ANO10: variants seen among roughly 807,000 people sequenced by gnomAD.
ANO10 encodes the protein anoctamin 10.
Under a neutral mutation model 74.7 loss-of-function variants are expected in ANO10, and 77 were observed. That is an observed-to-expected ratio of 1.03 (90% CI 0.86 to 1.25). ANO10 has a LOEUF of 1.25. Among genes scored for constraint, ANO10 ranks in the 50% most tolerant of loss-of-function variants. The pLI, the probability that ANO10 is intolerant of heterozygous loss-of-function variation, is 0.00. For missense variants in ANO10, 721 were observed against 778.1 expected, an observed-to-expected ratio of 0.93 and a Z score of 0.87; for synonymous variants, 279 against 284.9, an observed-to-expected ratio of 0.98 and a Z score of 0.21.
At chr3:43,406,594 G>T (rs966136273) in intron 12 of ANO10, among the ~76,000 whole-genome samples, 1 of 152,128 alleles carries the variant, frequency 6.6e-6, no homozygotes, top group Admixed American at 6.5e-5. Flanking sequence ...CTTACATGAC[G>T]AATCACATGC....
intron 1 of ANO10, among the ~76,000 whole-genome samples, chr3:43,606,866 G>A (rs1430955493): frequency 6.6e-6 from 1 of 152,100 alleles, no homozygotes; most frequent in Non-Finnish European, 1.5e-5. Flanking sequence ...CTCTTCTGCT[G>A]AAGACAACTA....
chr3:43,616,853 TCC>T (rs913455392), intron 1 of ANO10, among the ~76,000 whole-genome samples: 1 of 151,924 alleles, frequency 6.6e-6, no homozygotes, highest in African/African-American at 2.4e-5. Context: ...CCTGGGTAGG[TCC>T]ACTCCTCAGG....
intron 2 of ANO10, among the ~76,000 whole-genome samples, chr3:43,601,718 G>A (rs954434872): frequency 3.3e-5 from 5 of 152,106 alleles, no homozygotes; most frequent in African/African-American, 1.2e-4. Flanking sequence ...AAATACCAAT[G>A]GCTCTTAAAT....
At chr3:43,524,369 T>C (rs2078097633) in intron 11 of ANO10, among the ~76,000 whole-genome samples, 1 of 145,066 alleles carries the variant, frequency 6.9e-6, no homozygotes, top group South Asian at 2.1e-4. Context: ...TAACTCCCCC[T>C]ACCCTACCTT....
chr3:43,526,884 T>G (rs2078220953), intron 11 of ANO10, among the ~76,000 whole-genome samples: 1 of 71,334 alleles, frequency 1.4e-5, no homozygotes, highest in Admixed American at 1.6e-4. Flanking sequence ...TAAAATAATC[T>G]CTAGTCTACT....
chr3:43,660,248 T>C (rs2083910610), intron 1 of ANO10, among the ~76,000 whole-genome samples: 1 of 152,076 alleles, frequency 6.6e-6, no homozygotes, highest in Non-Finnish European at 1.5e-5. Flanking sequence ...GAGAATGAGT[T>C]TGATGAGTTG....
At chr3:43,555,224 T>C (rs1412274589) in intron 10 of ANO10, 54 bp downstream of exon 10, 1 of 1,573,854 alleles carries the variant, frequency 6.4e-7, no homozygotes, top group East Asian at 2.2e-5. Flanking sequence ...TTCCCTGTCA[T>C]AACACCTCGT....
At chr3:43,683,686 A>C (rs988279576) in intron 1 of ANO10, among the ~76,000 whole-genome samples, 1 of 152,220 alleles carries the variant, frequency 6.6e-6, no homozygotes, top group African/African-American at 2.4e-5. Flanking sequence ...ACTATACTAC[A>C]AGGCTACAGT....
At chr3:43,658,913 T>C (rs540715100) in intron 1 of ANO10, among the ~76,000 whole-genome samples, 106 of 152,296 alleles carry the variant, frequency 7.0e-4, no homozygotes, top group African/African-American at 2.5e-3. Context: ...GGTGCTGGAA[T>C]AGTCTATTTC....
At chr3:43,613,346 T>G (rs1470503431) in intron 1 of ANO10, among the ~76,000 whole-genome samples, 1 of 152,034 alleles carries the variant, frequency 6.6e-6, no homozygotes, top group African/African-American at 2.4e-5. Flanking sequence ...GCATAAAAAT[T>G]TTGGACCAGG....
At chr3:43,592,087 C>T (rs929659270) in intron 4 of ANO10, among the ~76,000 whole-genome samples, 6 of 152,232 alleles carry the variant, frequency 3.9e-5, no homozygotes, top group African/African-American at 1.4e-4. Flanking sequence ...AGTAGGTAAA[C>T]AAAGCAGCCT....
At chr3:43,515,570 A>AT (rs2077676240) in intron 11 of ANO10, among the ~76,000 whole-genome samples, 2 of 152,244 alleles carry the variant, frequency 1.3e-5, no homozygotes, top group South Asian at 2.1e-4. Flanking sequence ...TATTGGTTCT[A>AT]TTTTTCTGGA....
At chr3:43,466,471 A>G (rs1320340119) in intron 11 of ANO10, among the ~76,000 whole-genome samples, 10 of 152,024 alleles carry the variant, frequency 6.6e-5, no homozygotes, top group Admixed American at 6.6e-4. Context: ...AGACACACAT[A>G]TATGGCAAGA....
chr3:43,592,897 G>C (rs1248825469), intron 4 of ANO10, among the ~76,000 whole-genome samples: 2 of 152,146 alleles, frequency 1.3e-5, no homozygotes, highest in African/African-American at 2.4e-5. Flanking sequence ...AAATAGCATA[G>C]AGAAGAGAAG....
chr3:43,530,663 A>ACC (rs1168355432), intron 11 of ANO10, among the ~76,000 whole-genome samples: 2 of 151,902 alleles, frequency 1.3e-5, no homozygotes, highest in Non-Finnish European at 2.9e-5. Context: ...TGAGAGAGAG[A>ACC]CCCCATGTTC....
intron 4 of ANO10, among the ~76,000 whole-genome samples, chr3:43,596,829 C>A (rs1334421176): frequency 6.6e-5 from 10 of 152,116 alleles, no homozygotes; most frequent in African/African-American, 1.9e-4. Flanking sequence ...AACAGGCAAC[C>A]CACAGAATGG....
chr3:43,424,679 T>C (rs1294807016), intron 12 of ANO10: 4 of 152,196 alleles, frequency 2.6e-5, no homozygotes, highest in Non-Finnish European at 4.4e-5. Flanking sequence ...CCTGGCCCCC[T>C]ACCCACCAAA....
intron 1 of ANO10, among the ~76,000 whole-genome samples, chr3:43,628,071 A>C (rs1199382379): frequency 6.6e-6 from 1 of 152,138 alleles, no homozygotes; most frequent in Non-Finnish European, 1.5e-5. Context: ...CCAAGTTTAC[A>C]GTCATATAAT....
chr3:43,577,757 G>C (rs1293782503), intron 5 of ANO10, among the ~76,000 whole-genome samples: 1 of 152,078 alleles, frequency 6.6e-6, no homozygotes, highest in Non-Finnish European at 1.5e-5. Flanking sequence ...ATGTGTTATG[G>C]AAGATTTTTC....
Sources: allele counts gnomAD v4.1 joint callset (sites outside exome capture counted in the v4.1 genomes callset), GRCh38; gene constraint gnomAD v4.1.1; transcripts MANE v1.5; gene names NCBI Gene and HGNC (gene_info 2026-07-23, HGNC 2026-07-21).